The following SEPTIN7 variants were observed in gnomAD, a reference collection of about 807,000 sequenced individuals.
SEPTIN7 encodes the protein septin 7, also known as septin-7.
Under a neutral mutation model 63.3 loss-of-function variants are expected in SEPTIN7, and 10 were observed. That is an observed-to-expected ratio of 0.16 (90% CI 0.10 to 0.27). The LOEUF (loss-of-function observed/expected upper bound fraction) is 0.27. Ranked by LOEUF, SEPTIN7 falls within the 10% of genes least tolerant of loss-of-function variation. The probability of loss-of-function intolerance (pLI) is 1.00; values close to 1 mark genes in which losing one functional copy is unlikely to be tolerated. For synonymous variants in SEPTIN7, 131 were observed against 165.3 expected, an observed-to-expected ratio of 0.79 and a Z score of 1.59; for missense variants, 310 against 521.0, an observed-to-expected ratio of 0.59 and a Z score of 3.94.
At chr7:35,827,740 C>T (rs1206838665) in intron 1 of SEPTIN7, among the ~76,000 whole-genome samples, 1 of 152,148 alleles carries the variant, frequency 6.6e-6, no homozygotes, top group Non-Finnish European at 1.5e-5. Context: ...ACCTGCCTGC[C>T]TCGGTCTCCC....
At chr7:35,843,870 A>G (rs1227214835) in intron 3 of SEPTIN7, among the ~76,000 whole-genome samples, 1 of 152,222 alleles carries the variant, frequency 6.6e-6, no homozygotes, top group Admixed American at 6.5e-5. Flanking sequence ...TAAGCAGATG[A>G]TAAATACAAG....
chr7:35,831,250 CT>C (rs1210562804), intron 1 of SEPTIN7: 1 of 189,068 alleles, frequency 5.3e-6, no homozygotes, highest in Non-Finnish European at 1.1e-5. Flanking sequence ...AAATATATTA[CT>C]TTGACATGTT....
At chr7:35,880,656 C>T (rs1415626778) in intron 7 of SEPTIN7, among the ~76,000 whole-genome samples, 1 of 151,752 alleles carries the variant, frequency 6.6e-6, no homozygotes, top group Non-Finnish European at 1.5e-5. Context: ...TCTGTTTTCT[C>T]TTTTGCTGCT....
chr7:35,878,624 A>C (rs1360396106), intron 6 of SEPTIN7, among the ~76,000 whole-genome samples: 2 of 152,182 alleles, frequency 1.3e-5, no homozygotes, highest in Non-Finnish European at 2.9e-5. Flanking sequence ...AGACTAAAGT[A>C]ATGGAAATGG....
rs1185196246 is a variant in SEPTIN7 at position 35,885,231 on chromosome 7, T to C, written c.821-597T>C. ...TGGCAATTTTCCCATCAGTGACCTG[T>C]GTACCTTGTTCCCAGCTCTCTCTAT... is the stretch of plus-strand genomic sequence containing the variant. On this transcript the variant is annotated intron_variant, in intron 9 of 13. Coordinates refer to ENST00000350320, the MANE Select transcript of SEPTIN7 (RefSeq NM_001788.6). Among the ~76,000 whole-genome samples, 4 of 152,310 alleles carry C rather than the reference T, an allele frequency of 2.6e-5. No homozygotes were observed. The East Asian group carries it at 7.7e-4, about 29-fold the overall frequency.
chr7:35,889,321 T>C (rs1028028676), intron 10 of SEPTIN7, among the ~76,000 whole-genome samples: 9 of 152,102 alleles, frequency 5.9e-5, no homozygotes, highest in African/African-American at 2.2e-4. Context: ...AGAACGTGAA[T>C]TTATTGAGGG....
intron 3 of SEPTIN7, among the ~76,000 whole-genome samples, chr7:35,861,828 G>A (rs1785528514): frequency 6.6e-6 from 1 of 152,140 alleles, no homozygotes; most frequent in Non-Finnish European, 1.5e-5. Context: ...GGAATGAATT[G>A]GGAATTGGTT....
intron 3 of SEPTIN7, 119 bp downstream of exon 3, chr7:35,833,019 A>G (rs572416978): frequency 1.4e-5 from 9 of 634,776 alleles, no homozygotes; most frequent in African/African-American, 9.2e-5. Flanking sequence ...TCTTTGTTGT[A>G]TTTTCTCTTA....
At chr7:35,862,913 G>A (rs1280202613) in intron 3 of SEPTIN7, among the ~76,000 whole-genome samples, 1 of 152,002 alleles carries the variant, frequency 6.6e-6, no homozygotes, top group Non-Finnish European at 1.5e-5. Context: ...AAAAGAGTAC[G>A]TGATCAGAGT....
Position 35,906,546 on chromosome 7 carries a change from T to G in SEPTIN7, c.*2253T>G, listed in dbSNP as rs1288434210. 6.6e-6 allele frequency: 1 copy of G among 152,176 alleles called. No individual in the cohort carries two copies. Among genetic ancestry groups the G allele is most frequent in the Non-Finnish European group, 1.5e-5 (1 of 67,992 alleles). The allele number at this position is 152,176 out of a possible 1,614,324, so 9.4% of individuals were successfully genotyped here. ...TTAAGTATCCTGTTAGCCACTGTCT[T>G]TCTGCTAATTAAGTGGGGCTGAACA... On this transcript the variant is annotated 3_prime_UTR_variant, in exon 14 of 14. Coordinates refer to ENST00000350320, the MANE Select transcript of SEPTIN7 (RefSeq NM_001788.6).
At chr7:35,908,848 A>T (rs1016444757), downstream of SEPTIN7, among the ~76,000 whole-genome samples, 2 of 152,154 alleles carry the variant, frequency 1.3e-5, no homozygotes, top group African/African-American at 4.8e-5. Context: ...TACCAAACTA[A>T]CTTGTTCTGG....
At chr7:35,913,455 T>C in the SEPTIN7 span, among the ~76,000 whole-genome samples, 13 of 152,106 alleles carry the variant, frequency 8.5e-5, no homozygotes, top group African/African-American at 1.4e-4. Context: ...CTTTCTCTCT[T>C]TCTTTCATCT....
chr7:35,914,644 TCTC>T, the SEPTIN7 span, among the ~76,000 whole-genome samples: 1 of 41,672 alleles, frequency 2.4e-5, no homozygotes. Flanking sequence ...TGTCCCTCTC[TCTC>T]TCTCTCTCTC....
intron 6 of SEPTIN7, 84 bp downstream of exon 6, chr7:35,873,859 T>A: frequency 7.7e-7 from 1 of 1,301,756 alleles, no homozygotes; most frequent in Non-Finnish European, 1.1e-6. Flanking sequence ...AATCTTTAAG[T>A]TTGTGAAGTA....
rs1444192427 is a variant in SEPTIN7, at chr7:35,801,179, C to T, written c.-31C>T. The T allele has an allele frequency of 8.1e-6, 12 of 1,481,080 alleles. No individual in the cohort carries two copies. Among genetic ancestry groups the T allele is most frequent in the Non-Finnish European group, 9.9e-6 (11 of 1,113,194 alleles). The allele number at this position is 1,481,080 out of a possible 1,614,324, so 91.7% of individuals were successfully genotyped here. On this transcript the variant is annotated 5_prime_UTR_variant, in exon 1 of 14. Transcript: ENST00000350320. ...TTTGGAGAATCGGCGGGCTGCGCTCCGCTGGGGCTGGTCGCGGAGGGGGGG... is the reference window on the plus strand; with the variant it reads ...TTTGGAGAATCGGCGGGCTGCGCTCTGCTGGGGCTGGTCGCGGAGGGGGGG...
intron 1 of SEPTIN7, among the ~76,000 whole-genome samples, chr7:35,807,309 G>A (rs112708596): frequency 0.026 from 3,746 of 144,898 alleles, 120 homozygotes; most frequent in East Asian, 0.082. Context: ...TCAGCCTCCC[G>A]AGTAGCTGGG....
chr7:35,880,669 TTTTTGTTTTCAGTGCACTAA>T (rs999410409), intron 7 of SEPTIN7, among the ~76,000 whole-genome samples: 27 of 152,166 alleles, frequency 1.8e-4, no homozygotes, highest in Admixed American at 5.2e-4. Flanking sequence ...TTGCTGCTTA[TTTTTGTTTTCAGTGCACTAA>T]TTTTGTTTTC....
intron 1 of SEPTIN7, among the ~76,000 whole-genome samples, chr7:35,821,476 T>G (rs1180969979): frequency 6.6e-6 from 1 of 152,200 alleles, no homozygotes; most frequent in Non-Finnish European, 1.5e-5. Context: ...TACATGGAGG[T>G]ACTGTAATAC....
chr7:35,900,044 C>T (rs967980548), intron 12 of SEPTIN7: 2 of 152,160 alleles, frequency 1.3e-5, no homozygotes, highest in Non-Finnish European at 2.9e-5. Context: ...TATATTCTTA[C>T]AGTTGATCTC....
Sources: gnomAD v4.1 joint callset for allele counts (sites outside exome capture counted in the v4.1 genomes callset) on GRCh38, gnomAD v4.1.1 for gene constraint, MANE v1.5 for transcripts, NCBI Gene and HGNC (gene_info 2026-07-23, HGNC 2026-07-21) for gene names.